FOXK2: variants seen among roughly 807,000 people sequenced by gnomAD.
The protein encoded by FOXK2 is forkhead box K2.
FOXK2 carries 24 observed loss-of-function variants against 53.3 expected under a neutral mutation model. The ratio of observed to expected loss-of-function variants is 0.45; its 90% CI spans 0.33 to 0.63. FOXK2 has a LOEUF of 0.63. Ranked by LOEUF, FOXK2 falls within the 30% of genes least tolerant of loss-of-function variation. The pLI, the probability that FOXK2 is intolerant of heterozygous loss-of-function variation, is 0.03. For missense variants in FOXK2, 952 were observed against 910.5 expected (o/e 1.05, Z -0.59); for synonymous variants, 505 against 407.1 (o/e 1.24, Z -2.89).
chr17:82,589,311 T>G (rs1316063390), intron 8 of FOXK2, among the ~76,000 whole-genome samples: 1 of 152,204 alleles, frequency 6.6e-6, no homozygotes, highest in East Asian at 1.9e-4. Context: ...TCTTTCCATC[T>G]CACATTCCCT....
intron 1 of FOXK2, among the ~76,000 whole-genome samples, chr17:82,536,375 A>G (rs777758732): frequency 6.6e-6 from 1 of 152,154 alleles, no homozygotes; most frequent in Non-Finnish European, 1.5e-5. Context: ...ATGAGAACGC[A>G]GTAGCTCTGG....
At position 82,603,824 on chromosome 17, in the gene FOXK2, C is replaced by T. The variant is rs1268021659; in HGVS notation, c.*2325C>T. 1 of 151,734 alleles carries T rather than the reference C, an allele frequency of 6.6e-6. No homozygotes were observed. The highest frequency in any genetic ancestry group is 1.5e-5 in the Non-Finnish European group (1 of 68,000). The allele number at this position is 151,734 out of a possible 1,614,324, so 9.4% of individuals were successfully genotyped here. The stretch of plus-strand genomic sequence containing the variant: ...TGCACACGCTCCTGTCTCCTCCTCA[C>T]TCTGCCACGTTCACTTGGCTTTTTC... On this transcript the variant is annotated 3_prime_UTR_variant, in exon 9 of 9. Transcript: ENST00000335255.
In FOXK2 at chr17:82,586,305, CG is replaced by C. The variant is rs1168620735; in HGVS notation, c.1576+112del. The C allele has an allele frequency of 1.5e-3, 135 of 90,496 alleles. 9 individuals are homozygous for C. Among genetic ancestry groups the C allele is most frequent in the Middle Eastern group, 2.7e-3 (1 of 368 alleles). 5.6% of individuals were successfully genotyped at this position (90,496 alleles called of 1,614,324 possible). A position where few individuals can be genotyped will look rare whatever the true frequency, so the allele number is the denominator to read the frequency against. ...GACCACAGGGAGGTCAAAGGTGGGC[CG>C]GGGGGGAAAGGAGGAGAGGGGAGAC... On this transcript the variant is annotated intron_variant, in intron 7 of 8. Coordinates refer to ENST00000335255, the MANE Select transcript of FOXK2 (RefSeq NM_004514.4).
rs867958534 is a variant in FOXK2, at chr17:82,576,873, A to G, written c.909+5003A>G. On this transcript the variant is annotated intron_variant, in intron 4 of 8. Transcript: ENST00000335255. ...ATATATTTTTCTACCAAAAAAATGT[A>G]TGCAGGCTGGGTGCGGTGGCTCACG... 31 of 507,938 alleles carry G rather than the reference A, an allele frequency of 6.1e-5. No individual in the cohort carries two copies. In the South Asian group the frequency reaches 6.7e-4, roughly 11 times the overall value. The allele number at this position is 507,938 out of a possible 1,614,324, so 31.5% of individuals were successfully genotyped here. A position where few individuals can be genotyped will look rare whatever the true frequency, so the allele number is the denominator to read the frequency against.
At chr17:82,568,014 C>T in intron 2 of FOXK2, 40 bp from the exon 3 acceptor site, 1 of 1,535,042 alleles carries the variant, frequency 6.5e-7, no homozygotes, top group South Asian at 1.3e-5. Context: ...GATGCGTGCA[C>T]TGTGATAGAC....
intron 1 of FOXK2, 145 bp downstream of exon 1, chr17:82,520,452 C>T: frequency 1.5e-6 from 1 of 683,136 alleles, no homozygotes; most frequent in Non-Finnish European, 2.0e-6. Context: ...GACCCAGGCC[C>T]CGGCTGGATC....
intron 3 of FOXK2, among the ~76,000 whole-genome samples, chr17:82,568,631 A>G (rs140317875): frequency 2.0e-5 from 3 of 152,364 alleles, no homozygotes; most frequent in East Asian, 3.9e-4. Context: ...GAGTCACACT[A>G]TGACCTGGCA....
At chr17:82,587,345 C>G (rs1162190016) in intron 8 of FOXK2, 73 bp downstream of exon 8, 1 of 1,187,930 alleles carries the variant, frequency 8.4e-7, no homozygotes, top group Non-Finnish European at 1.3e-6. Context: ...CTCGTGGTTT[C>G]GGTTCTGACT....
chr17:82,583,033 A>C (rs762594824), intron 5 of FOXK2, 99 bp downstream of exon 5: 6 of 809,968 alleles, frequency 7.4e-6, no homozygotes, highest in South Asian at 2.6e-5. Flanking sequence ...GAACTACTAA[A>C]TGCATTATGA....
intron 4 of FOXK2, 31 bp from the exon 5 acceptor site, chr17:82,582,710 T>C: frequency 6.6e-7 from 1 of 1,516,128 alleles, no homozygotes; most frequent in Non-Finnish European, 8.9e-7. Context: ...AATAAATATA[T>C]GAATTCTACG....
chr17:82,583,332 G>A (rs967461859), intron 5 of FOXK2, among the ~76,000 whole-genome samples: 1 of 152,258 alleles, frequency 6.6e-6, no homozygotes, highest in Non-Finnish European at 1.5e-5. Flanking sequence ...ATCACCTGAG[G>A]TCAGGAGGTC....
chr17:82,596,565 A>C (rs1002002102), intron 8 of FOXK2, among the ~76,000 whole-genome samples: 18 of 15,248 alleles, frequency 1.2e-3, no homozygotes, highest in African/African-American at 1.8e-3. Context: ...TCTGTGTGGC[A>C]GGGCTCCCTG....
chr17:82,576,083 AGC>A (rs1414265338), intron 4 of FOXK2, among the ~76,000 whole-genome samples: 1 of 66,756 alleles, frequency 1.5e-5, no homozygotes, highest in Non-Finnish European at 2.8e-5. Context: ...CGTCCACACC[AGC>A]GTGTGTGCTC....
intron 1 of FOXK2, among the ~76,000 whole-genome samples, chr17:82,536,366 TGAG>T (rs1248844767): frequency 6.6e-6 from 1 of 152,214 alleles, no homozygotes; most frequent in Non-Finnish European, 1.5e-5. Context: ...CCTGTGATGA[TGAG>T]AACGCAGTAG....
rs1252932819 is a variant in FOXK2, at chr17:82,584,116, GAGCCTGAGCCTGGCGCTGCAC to G, written c.1212_1232del (p.Glu405_Pro411del). On this transcript the variant is annotated inframe_deletion, in exon 6 of 9. Coordinates refer to ENST00000335255, the MANE Select transcript of FOXK2 (RefSeq NM_004514.4). ...GAGGGAAGGTTCGCCGGCCCCCCTG[GAGCCTGAGCCTGGCGCTGCAC>G]AGCCCAAACTCGCTGTCATCCAGGA... is the stretch of plus-strand genomic sequence containing the variant. The G allele has an allele frequency of 6.2e-7, 1 of 1,611,142 alleles. No individual in the cohort carries two copies. Among genetic ancestry groups the G allele is most frequent in the Admixed American group, 1.7e-5 (1 of 59,950 alleles).
chr17:82,536,537 T>C (rs1246430773), intron 1 of FOXK2, among the ~76,000 whole-genome samples: 2 of 152,242 alleles, frequency 1.3e-5, no homozygotes, highest in African/African-American at 4.8e-5. Flanking sequence ...GTTCCTCAGC[T>C]TGTGTTTAGT....
chr17:82,521,670 G>T (rs1299195647), intron 1 of FOXK2, among the ~76,000 whole-genome samples: 2 of 150,062 alleles, frequency 1.3e-5, no homozygotes, highest in African/African-American at 4.9e-5. Flanking sequence ...GGTGGCTCAC[G>T]CCTGTAATCC....
At chr17:82,552,449 C>T (rs1187396116) in intron 1 of FOXK2, among the ~76,000 whole-genome samples, 1 of 152,164 alleles carries the variant, frequency 6.6e-6, no homozygotes, top group African/African-American at 2.4e-5. Context: ...CCAGGCTTCA[C>T]CCACCGTCGC....
intron 1 of FOXK2, among the ~76,000 whole-genome samples, chr17:82,532,810 T>C (rs2044485200): frequency 6.6e-6 from 1 of 151,344 alleles, no homozygotes; most frequent in Non-Finnish European, 1.5e-5. Flanking sequence ...TGAGGTGATC[T>C]GCCTGCTTTG....
Sources: gnomAD v4.1 joint callset for allele counts (sites outside exome capture counted in the v4.1 genomes callset) on GRCh38, gnomAD v4.1.1 for gene constraint, MANE v1.5 for transcripts, NCBI Gene and HGNC (gene_info 2026-07-23, HGNC 2026-07-21) for gene names.